MEIS2: variants seen among roughly 807,000 people sequenced by gnomAD.
MEIS2 encodes the protein homeobox protein Meis2.
In MEIS2, 9 loss-of-function variants were observed where a neutral mutation model predicts 58.6. The observed-to-expected ratio is 0.15, with a 90% CI of 0.09 to 0.27. The LOEUF is 0.27. Ranked by LOEUF, MEIS2 falls within the 10% of genes least tolerant of loss-of-function variation. MEIS2 has a pLI of 1.00. For missense variants in MEIS2, 427 were observed against 635.0 expected, an observed-to-expected ratio of 0.67 and a Z score of 3.52; for synonymous variants, 221 against 228.4, an observed-to-expected ratio of 0.97 and a Z score of 0.29.
chr15:37,066,962 G>A (rs1017956924), intron 7 of MEIS2, among the ~76,000 whole-genome samples: 1 of 151,452 alleles, frequency 6.6e-6, no homozygotes, highest in African/African-American at 2.4e-5. Context: ...TGTTTTTTTT[G>A]TAGAGATGGG....
intron 8 of MEIS2, among the ~76,000 whole-genome samples, chr15:36,992,204 G>C (rs1241480615): frequency 6.6e-6 from 1 of 151,796 alleles, no homozygotes; most frequent in Non-Finnish European, 1.5e-5. Context: ...AACTCTGCTT[G>C]GATAAATATA....
chr15:37,009,675 T>G (rs77661930), intron 8 of MEIS2, among the ~76,000 whole-genome samples: 14,547 of 152,256 alleles, frequency 0.096, 800 homozygotes, highest in East Asian at 0.21. Flanking sequence ...TTCTAGAAAC[T>G]TGCTTCCTAG....
At chr15:37,054,536 C>T (rs568192236) in intron 7 of MEIS2, among the ~76,000 whole-genome samples, 13 of 152,302 alleles carry the variant, frequency 8.5e-5, no homozygotes, top group African/African-American at 3.1e-4. Flanking sequence ...CCCACCTCAG[C>T]CCCCTGAATA....
intron 9 of MEIS2, 105 bp from the exon 10 acceptor site, chr15:36,896,791 A>T (rs2056201235): frequency 1.1e-6 from 1 of 916,216 alleles, no homozygotes; most frequent in South Asian, 1.5e-5. Flanking sequence ...ATCTCTTCTG[A>T]AAATTATCTT....
At chr15:37,062,283 A>C (rs1284672892) in intron 7 of MEIS2, among the ~76,000 whole-genome samples, 1 of 152,206 alleles carries the variant, frequency 6.6e-6, no homozygotes, top group Non-Finnish European at 1.5e-5. Context: ...GCAGGGGCCT[A>C]AGTATCATTA....
intron 9 of MEIS2, among the ~76,000 whole-genome samples, chr15:36,939,736 A>C (rs1290496492): frequency 2.6e-5 from 4 of 152,204 alleles, no homozygotes; most frequent in Non-Finnish European, 2.9e-5. Flanking sequence ...TATTATTTAA[A>C]ATTAGTGAAC....
At chr15:36,991,601 C>T (rs1374392375) in intron 8 of MEIS2, among the ~76,000 whole-genome samples, 1 of 151,942 alleles carries the variant, frequency 6.6e-6, no homozygotes, top group East Asian at 1.9e-4. Context: ...TCTAGGCATA[C>T]TTTTGCAGTG....
intron 8 of MEIS2, among the ~76,000 whole-genome samples, chr15:36,983,576 T>A (rs1304576961): frequency 6.6e-6 from 1 of 152,080 alleles, no homozygotes; most frequent in Admixed American, 6.6e-5. Context: ...AAACAGTCAA[T>A]ATGGTGGCTC....
intron 9 of MEIS2, among the ~76,000 whole-genome samples, chr15:36,948,839 A>G (rs1425611602): frequency 6.6e-6 from 1 of 151,964 alleles, no homozygotes; most frequent in Non-Finnish European, 1.5e-5. Context: ...CCCCCTCCAG[A>G]GGGGGATGTA....
intron 8 of MEIS2, among the ~76,000 whole-genome samples, chr15:36,961,834 C>A (rs1170319508): frequency 1.3e-5 from 2 of 152,008 alleles, no homozygotes; most frequent in East Asian, 3.9e-4. Context: ...TTTTTTAATC[C>A]ATTTAAGCAG....
At chr15:37,083,468 G>A (rs2141916574) in intron 7 of MEIS2, among the ~76,000 whole-genome samples, 1 of 152,266 alleles carries the variant, frequency 6.6e-6, no homozygotes, top group Middle Eastern at 3.4e-3. Flanking sequence ...CAGTAAAGCA[G>A]GCCTGTGATT....
chr15:37,037,771 C>A (rs1289661308), intron 7 of MEIS2, among the ~76,000 whole-genome samples: 1 of 152,244 alleles, frequency 6.6e-6, no homozygotes, highest in Non-Finnish European at 1.5e-5. Flanking sequence ...CATTGCAGGA[C>A]CCCTACTTTC....
intron 7 of MEIS2, among the ~76,000 whole-genome samples, chr15:37,044,698 T>C (rs2062588493): frequency 6.6e-6 from 1 of 152,198 alleles, no homozygotes; most frequent in Non-Finnish European, 1.5e-5. Context: ...TTTCCCCGGC[T>C]CCCATTAACA....
chr15:37,095,528 A>G, intron 4 of MEIS2, 36 bp downstream of exon 4: 3 of 1,614,086 alleles, frequency 1.9e-6, no homozygotes, highest in Non-Finnish European at 2.5e-6. Context: ...GGGAGAGGGC[A>G]AAGGCTGGGG....
intron 8 of MEIS2, among the ~76,000 whole-genome samples, chr15:36,983,425 T>C (rs1452788930): frequency 6.6e-6 from 1 of 152,134 alleles, no homozygotes; most frequent in Non-Finnish European, 1.5e-5. Flanking sequence ...TTGTGTGTTC[T>C]TGCACCCTTG....
chr15:37,100,054 T>G lies in MEIS2; in HGVS notation c.-588A>C, dbSNP rs1223280703. The G allele has an allele frequency of 6.7e-6, 1 of 149,854 alleles. No homozygotes were observed. The allele number at this position is 149,854 out of a possible 1,614,324, so 9.3% of individuals were successfully genotyped here. A position where few individuals can be genotyped will look rare whatever the true frequency, so the allele number is the denominator to read the frequency against. On this transcript the variant is annotated 5_prime_UTR_variant, in exon 1 of 12. Transcript: ENST00000561208. ...CTTCCAGTAAAACTCCGCGAGGGGT[T>G]TCTGCTTCTTGAATTTTTTCCTCCC...
chr15:37,099,369 A>C, intron 1 of MEIS2, 86 bp downstream of exon 1: 2 of 1,577,818 alleles, frequency 1.3e-6, no homozygotes, highest in South Asian at 2.3e-5. Flanking sequence ...GCAGCAGCAG[A>C]AGCGTTGAAG....
chr15:36,929,123 A>G (rs1264751648), intron 9 of MEIS2, among the ~76,000 whole-genome samples: 1 of 152,238 alleles, frequency 6.6e-6, no homozygotes, highest in Non-Finnish European at 1.5e-5. Flanking sequence ...ATGTCTCTCT[A>G]GCGCTTAGCA....
At chr15:37,075,783 C>A (rs1891327835) in intron 7 of MEIS2, among the ~76,000 whole-genome samples, 2 of 151,876 alleles carry the variant, frequency 1.3e-5, no homozygotes, top group South Asian at 4.1e-4. Context: ...CGGCCTCATA[C>A]CTGGGCAGAT....
Sources: gnomAD v4.1 joint callset for allele counts (sites outside exome capture counted in the v4.1 genomes callset) on GRCh38, gnomAD v4.1.1 for gene constraint, MANE v1.5 for transcripts, NCBI Gene and HGNC (gene_info 2026-07-23, HGNC 2026-07-21) for gene names.